EVL: variants seen among roughly 807,000 people sequenced by gnomAD.
EVL encodes the protein Enah/Vasp-like.
A neutral mutation model predicts 59.6 loss-of-function variants in EVL; 21 were observed. The ratio of observed to expected loss-of-function variants is 0.35; its 90% CI spans 0.25 to 0.51. The LOEUF (loss-of-function observed/expected upper bound fraction) is 0.51, where lower values mean the gene tolerates loss of function less well. Among genes scored for constraint, EVL ranks in the 20% least tolerant of loss-of-function variants. The pLI is 0.97. For missense variants in EVL, 462 were observed against 546.6 expected, an observed-to-expected ratio of 0.85 and a Z score of 1.54; for synonymous variants, 198 against 203.5, an observed-to-expected ratio of 0.97 and a Z score of 0.23.
chr14:100,135,856 C>T (rs1566729360), intron 8 of EVL, 49 bp from the exon 9 acceptor site: 1 of 1,575,432 alleles, frequency 6.3e-7, no homozygotes, highest in Admixed American at 1.7e-5. Flanking sequence ...ATGTCCTGCC[C>T]TGGCCCCAGG....
intron 4 of EVL, among the ~76,000 whole-genome samples, chr14:100,125,062 A>G (rs570750076): frequency 4.2e-5 from 6 of 141,424 alleles, no homozygotes; most frequent in African/African-American, 1.8e-4. Flanking sequence ...ACACACACAC[A>G]CCTGCTCCAC....
chr14:99,989,089 T>C (rs947734621), intron 1 of EVL, among the ~76,000 whole-genome samples: 1 of 152,234 alleles, frequency 6.6e-6, no homozygotes, highest in Admixed American at 6.5e-5. Flanking sequence ...AGAAAAAATC[T>C]GTTCCTCAGT....
chr14:100,008,452 A>G (rs1305675845), intron 1 of EVL, among the ~76,000 whole-genome samples: 2 of 152,202 alleles, frequency 1.3e-5, no homozygotes, highest in Non-Finnish European at 2.9e-5. Context: ...CACTTACCAT[A>G]TTAATGAAAT....
chr14:100,102,487 C>T (rs1391755767), intron 3 of EVL: 1 of 405,974 alleles, frequency 2.5e-6, no homozygotes, highest in African/African-American at 2.1e-5. Flanking sequence ...GTTTGTCATT[C>T]CTTGGACCTT....
chr14:100,111,286 A>G (rs1448005730), intron 3 of EVL, among the ~76,000 whole-genome samples: 2 of 150,694 alleles, frequency 1.3e-5, no homozygotes, highest in Non-Finnish European at 2.9e-5. Context: ...CCTCCCAAGT[A>G]GCTGGGACTA....
chr14:100,082,821 A>T (rs78932498), intron 1 of EVL, among the ~76,000 whole-genome samples: 6,318 of 152,318 alleles, frequency 0.041, 186 homozygotes, highest in African/African-American at 0.067. Flanking sequence ...CCAGGCTGAT[A>T]GGGTGTCCCC....
Position 100,109,818 on chromosome 14 carries a change from T to A in EVL, c.358+12160T>A. Reference sequence around the variant, plus strand: ...AGCCTATGGAAGGGCCTTCAGCTGCTGTGGCCCCGAGGTGTGCATACTGTG... The same window carrying A: ...AGCCTATGGAAGGGCCTTCAGCTGCAGTGGCCCCGAGGTGTGCATACTGTG... On this transcript the variant is annotated intron_variant, in intron 3 of 13. Coordinates refer to ENST00000392920, the MANE Select transcript of EVL (RefSeq NM_016337.3). This position sits in a 1 kb window ranked among gnomAD's most constrained non-coding sequence, Gnocchi z 4.3. 2.2e-6 allele frequency: 1 copy of A among 450,878 alleles called. No individual in the cohort carries two copies. 27.9% of individuals were successfully genotyped at this position (450,878 alleles called of 1,614,324 possible). A position where few individuals can be genotyped will look rare whatever the true frequency, so the allele number is the denominator to read the frequency against.
At chr14:100,002,242 A>G (rs1485655891) in intron 1 of EVL, among the ~76,000 whole-genome samples, 1 of 152,148 alleles carries the variant, frequency 6.6e-6, no homozygotes, top group Non-Finnish European at 1.5e-5. Flanking sequence ...TGATGTCACA[A>G]TCTCCAAAGT....
At chr14:100,074,037 T>G (rs1326124768) in intron 1 of EVL, among the ~76,000 whole-genome samples, 1 of 151,324 alleles carries the variant, frequency 6.6e-6, no homozygotes, top group Non-Finnish European at 1.5e-5. Context: ...GGGAGCAGTG[T>G]GAGTAGAGGC....
At chr14:100,143,550 C>A in intron 13 of EVL, 151 bp from the exon 14 acceptor site, 1 of 893,578 alleles carries the variant, frequency 1.1e-6, no homozygotes, top group Non-Finnish European at 1.7e-6. Flanking sequence ...GTCATCACCC[C>A]AGAGGTCTAT....
intron 3 of EVL, among the ~76,000 whole-genome samples, chr14:100,115,741 C>G (rs1467363544): frequency 6.6e-6 from 1 of 152,156 alleles, no homozygotes. Flanking sequence ...AGCCTAAATT[C>G]ATGTGGTAAG....
At chr14:100,133,501 G>A (rs1173083274) in intron 8 of EVL, among the ~76,000 whole-genome samples, 10 of 152,248 alleles carry the variant, frequency 6.6e-5, no homozygotes, top group Non-Finnish European at 1.3e-4. Context: ...ATCAGTCAGG[G>A]TCATGCTGGT....
chr14:100,120,617 G>A (rs141419896), intron 3 of EVL, among the ~76,000 whole-genome samples: 1 of 152,284 alleles, frequency 6.6e-6, no homozygotes, highest in East Asian at 1.9e-4. Flanking sequence ...GTTGAGTAGC[G>A]CACAAAACAC....
At chr14:100,129,482 C>A (rs1333882877) in intron 6 of EVL, 81 bp from the exon 7 acceptor site, 2 of 1,589,268 alleles carry the variant, frequency 1.3e-6, no homozygotes, top group Non-Finnish European at 1.7e-6. Flanking sequence ...CGCACACAGT[C>A]CCCTGCATCC....
chr14:100,068,980 G>T (rs1237332918), intron 1 of EVL, among the ~76,000 whole-genome samples: 2 of 152,128 alleles, frequency 1.3e-5, no homozygotes, highest in African/African-American at 4.8e-5. Context: ...TAGGCTGTGG[G>T]TTTTTCCGAA....
At chr14:100,107,010 G>A in intron 3 of EVL, 1 of 398,690 alleles carries the variant, frequency 2.5e-6, no homozygotes. Context: ...GGCTACGTTG[G>A]GTCTGTGTGA....
intron 1 of EVL, among the ~76,000 whole-genome samples, chr14:100,052,354 T>G (rs574664447): frequency 7.2e-5 from 11 of 152,354 alleles, no homozygotes; most frequent in African/African-American, 2.6e-4. Context: ...ATTTATAAAT[T>G]TAATATATTG....
At chr14:100,039,388 C>T (rs1162015674) in intron 1 of EVL, among the ~76,000 whole-genome samples, 15 of 152,106 alleles carry the variant, frequency 9.9e-5, no homozygotes, top group Admixed American at 9.8e-4. Flanking sequence ...AAGCATGCAC[C>T]ACCACACCTG....
At chr14:100,125,716 C>T (rs943613359) in intron 4 of EVL, among the ~76,000 whole-genome samples, 3 of 152,032 alleles carry the variant, frequency 2.0e-5, no homozygotes, top group Non-Finnish European at 4.4e-5. Context: ...CCACCACACC[C>T]AGCTCATTTT....
Sources: gnomAD v4.1 joint callset for allele counts (sites outside exome capture counted in the v4.1 genomes callset) on GRCh38, gnomAD v4.1.1 for gene constraint, Gnocchi (gnomAD v3.1) non-coding constraint, MANE v1.5 for transcripts, NCBI Gene and HGNC (gene_info 2026-07-23, HGNC 2026-07-21) for gene names.